TNFRSF21: variants seen among roughly 807,000 people sequenced by gnomAD.
TNFRSF21 encodes tumor necrosis factor receptor superfamily member 21.
TNFRSF21 carries 19 observed loss-of-function variants against 45.6 expected under a neutral mutation model. The observed-to-expected ratio is 0.42, with a 90% CI of 0.29 to 0.61. The LOEUF (loss-of-function observed/expected upper bound fraction) is 0.61. Among genes scored for constraint, TNFRSF21 ranks in the 20% least tolerant of loss-of-function variants. The probability of loss-of-function intolerance (pLI) is 0.23; values close to 1 mark genes in which losing one functional copy is unlikely to be tolerated. For synonymous variants in TNFRSF21, 314 were observed against 335.5 expected (o/e 0.94, Z 0.70); for missense variants, 737 against 851.5 (o/e 0.87, Z 1.67).
intron 4 of TNFRSF21, 149 bp downstream of exon 4, chr6:47,253,107 T>C: frequency 1.1e-6 from 1 of 919,686 alleles, no homozygotes; most frequent in Non-Finnish European, 1.6e-6. Flanking sequence ...AGGTAGGGTG[T>C]GTGTGTGTGT....
chr6:47,270,634 G>A (rs1762402142), intron 3 of TNFRSF21, among the ~76,000 whole-genome samples: 1 of 152,218 alleles, frequency 6.6e-6, no homozygotes, highest in African/African-American at 2.4e-5. Flanking sequence ...CTCTTTGCCA[G>A]CAATGGAACA....
intron 4 of TNFRSF21, among the ~76,000 whole-genome samples, chr6:47,247,374 C>T (rs1764837822): frequency 6.6e-6 from 1 of 152,220 alleles, no homozygotes; most frequent in South Asian, 2.1e-4. Flanking sequence ...CTGCTAGATA[C>T]ATGCAAGTTT....
chr6:47,291,988 C>T (rs1401304771), intron 1 of TNFRSF21, among the ~76,000 whole-genome samples: 1 of 152,184 alleles, frequency 6.6e-6, no homozygotes, highest in Admixed American at 6.5e-5. Flanking sequence ...TGATCTAAAA[C>T]TAGGGCTTTT....
At chr6:47,303,492 T>C (rs927016827) in intron 1 of TNFRSF21, among the ~76,000 whole-genome samples, 3 of 152,178 alleles carry the variant, frequency 2.0e-5, no homozygotes, top group Admixed American at 1.3e-4. Flanking sequence ...AAAGCCAGGA[T>C]ACTGACAAGA....
intron 4 of TNFRSF21, 37 bp downstream of exon 4, chr6:47,253,219 G>A (rs1186603549): frequency 1.2e-6 from 2 of 1,600,796 alleles, no homozygotes; most frequent in East Asian, 2.2e-5. Context: ...AGGGGCAATA[G>A]GTCGGTGGTA....
At position 47,259,386 on chromosome 6, in the gene TNFRSF21, T is replaced by C. The variant is rs573451007; in HGVS notation, c.1244-5865A>G. Among the ~76,000 whole-genome samples, 822 of 150,354 alleles carry C rather than the reference T, an allele frequency of 5.5e-3. 13 individuals carry two copies. The highest frequency in any genetic ancestry group is 0.019 in the African/African-American group (786 of 40,374). On this transcript the variant is annotated intron_variant, in intron 3 of 5. Transcript: ENST00000296861. ...AACATCACATTGCCTTTTTTTTTTT[T>C]TGAGACGGAGTCTCACTCAGTCACC...
chr6:47,254,911 G>C (rs2113850674), intron 3 of TNFRSF21, among the ~76,000 whole-genome samples: 1 of 152,206 alleles, frequency 6.6e-6, no homozygotes, highest in South Asian at 2.1e-4. Flanking sequence ...AGAAAAGTTA[G>C]GCTACTGGCC....
At chr6:47,306,868 G>T (rs978423408) in intron 1 of TNFRSF21, among the ~76,000 whole-genome samples, 3 of 152,118 alleles carry the variant, frequency 2.0e-5, no homozygotes, top group South Asian at 2.1e-4. Flanking sequence ...ACGTGGGCAG[G>T]CCACTAACTT....
intron 3 of TNFRSF21, among the ~76,000 whole-genome samples, chr6:47,259,392 C>T (rs1057456829): frequency 1.2e-4 from 18 of 149,468 alleles, no homozygotes; most frequent in African/African-American, 4.2e-4. Context: ...TTTTTTGAGA[C>T]GGAGTCTCAC....
chr6:47,308,108 C>A (rs1294219378), intron 1 of TNFRSF21, among the ~76,000 whole-genome samples: 1 of 152,200 alleles, frequency 6.6e-6, no homozygotes, highest in Admixed American at 6.5e-5. Context: ...AATAAGTGGG[C>A]AGAAAAGAGT....
chr6:47,281,883 G>T (rs1762572139), intron 3 of TNFRSF21, among the ~76,000 whole-genome samples: 1 of 151,794 alleles, frequency 6.6e-6, no homozygotes, highest in Non-Finnish European at 1.5e-5. Flanking sequence ...TCCCCAGACA[G>T]GCTTCCAGTA....
rs893816195 is a variant in TNFRSF21, at chr6:47,246,389, T to C, written c.1509+6867A>G. Among the ~76,000 whole-genome samples, 6 of 152,342 alleles carry C rather than the reference T, an allele frequency of 3.9e-5. No individual in the cohort carries two copies. In the South Asian group the frequency reaches 1.0e-3, roughly 26 times the overall value. On this transcript the variant is annotated intron_variant, in intron 4 of 5. Coordinates refer to ENST00000296861, the MANE Select transcript of TNFRSF21 (RefSeq NM_014452.5). ...GCAGGACTGGGCATTTACACTCACC[T>C]CTATTTCTCAGCAAGATCTTTACAA...
Position 47,284,330 on chromosome 6 carries a change from C to T in TNFRSF21, c.851G>A (p.Gly284Glu). Residue 284 changes from glycine to glutamate, a missense_variant, in exon 3 of 6, where the codon GGG (glycine) becomes GAG (glutamate). Transcript: ENST00000296861. ...TVPDNTSSAR[G>E]KEDVNKTLPN... is the part of the protein sequence containing the mutation. ...GAGGGTCTTGTTCACGTCTTCCTTC[C>T]CCCTTGCTGAGCTTGTGTTGTCAGG... 6.3e-7 allele frequency: 1 copy of T among 1,594,784 alleles called. No homozygotes were observed. Among genetic ancestry groups the T allele is most frequent in the Non-Finnish European group, 8.5e-7 (1 of 1,171,360 alleles).
chr6:47,256,248 G>A (rs1764986844), intron 3 of TNFRSF21, among the ~76,000 whole-genome samples: 1 of 152,194 alleles, frequency 6.6e-6, no homozygotes, highest in Non-Finnish European at 1.5e-5. Context: ...AGAATGGATG[G>A]GCAGGGTGGC....
At chr6:47,249,441 T>C (rs1379262383) in intron 4 of TNFRSF21, among the ~76,000 whole-genome samples, 1 of 152,212 alleles carries the variant, frequency 6.6e-6, no homozygotes, top group Non-Finnish European at 1.5e-5. Flanking sequence ...AATAATGCAA[T>C]TTATTTATTT....
At chr6:47,295,352 C>G (rs941049871) in intron 1 of TNFRSF21, among the ~76,000 whole-genome samples, 1 of 152,186 alleles carries the variant, frequency 6.6e-6, no homozygotes, top group African/African-American at 2.4e-5. Flanking sequence ...CTATCAAATT[C>G]TAATTTTTAG....
intron 4 of TNFRSF21, among the ~76,000 whole-genome samples, chr6:47,239,552 T>C (rs1381864525): frequency 6.6e-6 from 1 of 152,124 alleles, no homozygotes; most frequent in Non-Finnish European, 1.5e-5. Flanking sequence ...TTGGGTAGAC[T>C]CTGAGAGCAG....
chr6:47,242,406 C>T lies in TNFRSF21; in HGVS notation c.1510-7508G>A, dbSNP rs111245861. ...GTTGGCTATAATTTTCTGTATATAC[C>T]TCGTCTTAGAATTCTCATCATTTCT... is the stretch of plus-strand genomic sequence containing the variant. On this transcript the variant is annotated intron_variant, in intron 4 of 5. Transcript: ENST00000296861. Among the ~76,000 whole-genome samples the T allele has an allele frequency of 5.4e-3, 816 of 152,214 alleles. 13 individuals are homozygous for T. Among genetic ancestry groups the T allele is most frequent in the African/African-American group, 0.018 (759 of 41,522 alleles).
At position 47,234,878 on chromosome 6, in the gene TNFRSF21, A is replaced by G; in HGVS notation, c.1530T>C (p.Ala510=). Residue 510 remains alanine, a synonymous_variant, in exon 5 of 6, where the codon GCT becomes GCC. Transcript: ENST00000296861. ...TAAGCGGGCTGGGGCTCATCGGGAG[A>G]GCTAGTTTGTCAGTTTCCAGCTGTA... The part of the protein sequence containing the change: ...DTTQLETDKL[A]LPMSPSPLSP... 1 of 1,392,928 alleles carries G rather than the reference A, an allele frequency of 7.2e-7. No individual in the cohort carries two copies. Among genetic ancestry groups the G allele is most frequent in the Non-Finnish European group, 9.3e-7 (1 of 1,073,448 alleles). 86.3% of individuals were successfully genotyped at this position (1,392,928 alleles called of 1,614,324 possible). A position where few individuals can be genotyped will look rare whatever the true frequency, so the allele number is the denominator to read the frequency against.
Sources: gnomAD v4.1 joint callset for allele counts (sites outside exome capture counted in the v4.1 genomes callset) on GRCh38, gnomAD v4.1.1 for gene constraint, MANE v1.5 for transcripts, NCBI Gene and HGNC (gene_info 2026-07-23, HGNC 2026-07-21) for gene names.